RAI14: variants seen among roughly 807,000 people sequenced by gnomAD.
The protein encoded by RAI14 is retinoic acid induced 14.
In RAI14, 45 loss-of-function variants were observed where a neutral mutation model predicts 115.4. That is an observed-to-expected ratio of 0.39 (90% CI 0.31 to 0.50). The LOEUF is 0.50. RAI14 is among the 20% of genes least tolerant of loss of function. RAI14 has a pLI of 0.85. For synonymous variants in RAI14, 371 were observed against 415.4 expected (o/e 0.89, Z 1.30); for missense variants, 939 against 1,131.2 (o/e 0.83, Z 2.44).
intron 2 of RAI14, among the ~76,000 whole-genome samples, chr5:34,732,267 C>G (rs1489808688): frequency 6.6e-6 from 1 of 152,082 alleles, no homozygotes; most frequent in East Asian, 1.9e-4. Flanking sequence ...GGGTTTTAAT[C>G]ACTACAAAGA....
At chr5:34,679,682 G>A (rs933500583) in intron 1 of RAI14, among the ~76,000 whole-genome samples, 2 of 152,110 alleles carry the variant, frequency 1.3e-5, no homozygotes, top group African/African-American at 4.8e-5. Flanking sequence ...TGACTGGGGG[G>A]ATGCTGCACA....
intron 3 of RAI14, among the ~76,000 whole-genome samples, chr5:34,793,224 C>A (rs572636343): frequency 8.5e-5 from 13 of 152,252 alleles, no homozygotes; most frequent in African/African-American, 3.1e-4. Flanking sequence ...TGATCGTGGG[C>A]CTTCCAAGTG....
intron 2 of RAI14, among the ~76,000 whole-genome samples, chr5:34,713,644 C>T (rs1376158356): frequency 6.6e-6 from 1 of 152,200 alleles, no homozygotes; most frequent in Admixed American, 6.5e-5. Context: ...AATTGACCTT[C>T]CTTCCTCTTG....
At chr5:34,716,023 C>G (rs1245220733) in intron 2 of RAI14, 1 of 441,222 alleles carries the variant, frequency 2.3e-6, no homozygotes, top group African/African-American at 2.0e-5. Context: ...CAGTACAGTG[C>G]AAGAAAAACA....
chr5:34,742,286 G>C (rs9292560), intron 2 of RAI14, among the ~76,000 whole-genome samples: 94,938 of 152,060 alleles, frequency 0.62, 29,986 homozygotes, highest in African/African-American at 0.67. Flanking sequence ...TGTGCTGAGT[G>C]GTGTGAGTGC....
intron 4 of RAI14, among the ~76,000 whole-genome samples, chr5:34,799,699 T>A (rs1754026506): frequency 6.8e-6 from 1 of 147,064 alleles, no homozygotes; most frequent in Non-Finnish European, 1.5e-5. Flanking sequence ...TTTTTTTTTT[T>A]TTTTTTTTGA....
chr5:34,731,470 T>C (rs1459216401), intron 2 of RAI14, among the ~76,000 whole-genome samples: 1 of 152,230 alleles, frequency 6.6e-6, no homozygotes, highest in East Asian at 1.9e-4. Flanking sequence ...GTGCATCTAC[T>C]TATTTACTTT....
chr5:34,732,806 A>G (rs938168814), intron 2 of RAI14, among the ~76,000 whole-genome samples: 3 of 148,942 alleles, frequency 2.0e-5, no homozygotes, highest in Admixed American at 1.3e-4. Flanking sequence ...TCATTTATGT[A>G]TATATATAAT....
intron 2 of RAI14, among the ~76,000 whole-genome samples, chr5:34,692,391 C>T (rs535900154): frequency 6.6e-6 from 1 of 152,080 alleles, no homozygotes; most frequent in Non-Finnish European, 1.5e-5. Flanking sequence ...CTCCTCCTTT[C>T]GTCACCACAC....
intron 2 of RAI14, among the ~76,000 whole-genome samples, chr5:34,752,741 G>GTATATATA (rs1328513453): frequency 2.2e-3 from 219 of 99,412 alleles, no homozygotes; most frequent in Non-Finnish European, 3.3e-3. Flanking sequence ...GTGTGTGTGT[G>GTATATATA]TGTGTGTGTA....
intron 2 of RAI14, among the ~76,000 whole-genome samples, chr5:34,724,408 T>G (rs981991480): frequency 1.3e-5 from 2 of 152,160 alleles, no homozygotes; most frequent in Non-Finnish European, 2.9e-5. Context: ...TTTTGGTTAT[T>G]AAAGTATGCC....
At chr5:34,706,383 AT>A (rs1740699373) in intron 2 of RAI14, among the ~76,000 whole-genome samples, 1 of 152,158 alleles carries the variant, frequency 6.6e-6, no homozygotes, top group South Asian at 2.1e-4. Context: ...GACAATGAAG[AT>A]TTCTTAAAAG....
At chr5:34,772,574 ATGT>A (rs1321396390) in intron 3 of RAI14, among the ~76,000 whole-genome samples, 2 of 152,112 alleles carry the variant, frequency 1.3e-5, no homozygotes, top group Non-Finnish European at 2.9e-5. Context: ...ATTATTATTG[ATGT>A]TGTTGTTATT....
chr5:34,740,121 C>T (rs12513816), intron 2 of RAI14, among the ~76,000 whole-genome samples: 24,699 of 152,158 alleles, frequency 0.16, 2,091 homozygotes, highest in South Asian at 0.21. Flanking sequence ...ACTAGGTATA[C>T]ACCAAGTGAC....
intron 11 of RAI14, among the ~76,000 whole-genome samples, chr5:34,813,871 C>T (rs183420737): frequency 4.7e-4 from 72 of 152,164 alleles, no homozygotes; most frequent in Non-Finnish European, 9.0e-4. Context: ...TTTAAAAAAA[C>T]AGTAGAATCG....
intron 3 of RAI14, among the ~76,000 whole-genome samples, chr5:34,788,497 A>G (rs1302901986): frequency 1.3e-5 from 2 of 152,138 alleles, no homozygotes; most frequent in Non-Finnish European, 2.9e-5. Context: ...TGTTTTATTC[A>G]TTATTGTTTC....
At chr5:34,697,436 C>CAA (rs1214679104) in intron 2 of RAI14, among the ~76,000 whole-genome samples, 1 of 64,314 alleles carries the variant, frequency 1.6e-5, no homozygotes, top group African/African-American at 5.7e-5. Context: ...AACTCTGTCT[C>CAA]AAAAAAAAAA....
chr5:34,695,316 A>G (rs1739091525), intron 2 of RAI14, among the ~76,000 whole-genome samples: 1 of 152,236 alleles, frequency 6.6e-6, no homozygotes, highest in Non-Finnish European at 1.5e-5. Context: ...TACCCTATAC[A>G]GTAGTTCTAA....
At chr5:34,689,414 A>G (rs1201185793) in intron 2 of RAI14, among the ~76,000 whole-genome samples, 1 of 152,090 alleles carries the variant, frequency 6.6e-6, no homozygotes, top group African/African-American at 2.4e-5. Flanking sequence ...CAAAAAACAA[A>G]AACAAACTGA....
Sources: gnomAD v4.1 joint callset for allele counts (sites outside exome capture counted in the v4.1 genomes callset) on GRCh38, gnomAD v4.1.1 for gene constraint, MANE v1.5 for transcripts, NCBI Gene and HGNC (gene_info 2026-07-23, HGNC 2026-07-21) for gene names.